PTPRN2: variants seen among roughly 807,000 people sequenced by gnomAD.
PTPRN2 encodes receptor-type tyrosine-protein phosphatase N2.
PTPRN2 carries 74 observed loss-of-function variants against 118.8 expected under a neutral mutation model. That is an observed-to-expected ratio of 0.62 (90% CI 0.52 to 0.76). The LOEUF is 0.76. PTPRN2 is among the 30% of genes least tolerant of loss of function. PTPRN2 has a pLI of 0.00. For synonymous variants in PTPRN2, 641 were observed against 608.0 expected (o/e 1.05, Z -0.80); for missense variants, 1,481 against 1,394.4 (o/e 1.06, Z -0.99).
At chr7:157,995,105 A>G (rs192343145) in intron 11 of PTPRN2, among the ~76,000 whole-genome samples, 27 of 95,374 alleles carry the variant, frequency 2.8e-4, no homozygotes, top group African/African-American at 9.0e-4. Context: ...CCAGCTTACA[A>G]CTCCTTGTTC....
chr7:157,676,863 C>T lies in PTPRN2; in HGVS notation c.2001+5862G>A, dbSNP rs1313943555. On this transcript the variant is annotated intron_variant, in intron 13 of 22. Transcript: ENST00000389418. The surrounding 1 kb of genome is among the most constrained non-coding windows in gnomAD (Gnocchi z 5.6). ...GTGCATGCAGGGGTCACCCCAGGAGCGACCCTGGCTTTGACGAGAAGGAAG... is the reference window on the plus strand; with the variant it reads ...GTGCATGCAGGGGTCACCCCAGGAGTGACCCTGGCTTTGACGAGAAGGAAG... 3.3e-5 allele frequency among the ~76,000 whole-genome samples: 5 copies of T among 152,106 alleles called. No individual in the cohort carries two copies. The highest frequency in any genetic ancestry group is 2.1e-4 in the South Asian group (1 of 4,818).
At chr7:158,047,049 C>T (rs539124309) in intron 11 of PTPRN2, among the ~76,000 whole-genome samples, 10 of 152,330 alleles carry the variant, frequency 6.6e-5, no homozygotes, top group South Asian at 2.1e-4. Flanking sequence ...CCCCTCGCCC[C>T]GGAATGGAGC....
At chr7:157,555,955 G>A (rs144512427) in intron 21 of PTPRN2, among the ~76,000 whole-genome samples, 3 of 152,340 alleles carry the variant, frequency 2.0e-5, no homozygotes, top group East Asian at 3.9e-4. Context: ...TGGAGCTCAC[G>A]CTGTGGGAGG....
chr7:157,767,578 C>T (rs1043226890), intron 12 of PTPRN2, among the ~76,000 whole-genome samples: 3 of 152,222 alleles, frequency 2.0e-5, no homozygotes, highest in South Asian at 2.1e-4. Flanking sequence ...GAAGTGAGTG[C>T]CCATGGGTGC....
In PTPRN2 at chr7:157,819,176, G is replaced by A. The variant is rs185770726; in HGVS notation, c.1788+79497C>T. 8.8e-3 allele frequency among the ~76,000 whole-genome samples: 1,336 copies of A among 152,270 alleles called. 71 individuals are homozygous for A. The South Asian group carries it at 0.15, about 17-fold the overall frequency. On this transcript the variant is annotated intron_variant, in intron 12 of 22. Coordinates refer to ENST00000389418, the MANE Select transcript of PTPRN2 (RefSeq NM_002847.5). ...CAGGGTGGCCTGGGCAGCCCCCTTCGGAAGCCCAGGGCTCTGCTGCCTGGG... is the reference window on the plus strand; with the variant it reads ...CAGGGTGGCCTGGGCAGCCCCCTTCAGAAGCCCAGGGCTCTGCTGCCTGGG...
chr7:158,569,581 G>A (rs1373600955), intron 1 of PTPRN2, among the ~76,000 whole-genome samples: 1 of 152,230 alleles, frequency 6.6e-6, no homozygotes. Context: ...CACGGAGGCA[G>A]CAGCTCCCAG....
At chr7:157,716,475 ACTGCCTGGCCACGTAGACTCTGCGGGAAC>A (rs1798917498) in intron 12 of PTPRN2, among the ~76,000 whole-genome samples, 1 of 95,742 alleles carries the variant, frequency 1.0e-5, no homozygotes, top group African/African-American at 5.4e-5. Flanking sequence ...CTGCAGGAAC[ACTGCCTGGCCACGTAGACTCTGCGGGAAC>A]ACTGCCTGGT....
At chr7:157,557,467 A>ACATGCACACACCTATGTG (rs1269961306) in intron 21 of PTPRN2, among the ~76,000 whole-genome samples, 1 of 150,938 alleles carries the variant, frequency 6.6e-6, no homozygotes, top group African/African-American at 2.4e-5. Context: ...TACACCACAC[A>ACATGCACACACCTATGTG]CATGCACACA....
At chr7:158,255,495 C>T (rs899709895) in intron 3 of PTPRN2, among the ~76,000 whole-genome samples, 23 of 152,164 alleles carry the variant, frequency 1.5e-4, no homozygotes, top group African/African-American at 5.3e-4. Flanking sequence ...TGCCTCAGCA[C>T]GACAGCTTCA....
At chr7:158,080,314 C>CAAAAAAAAA (rs556546951) in intron 11 of PTPRN2, among the ~76,000 whole-genome samples, 2 of 72,226 alleles carry the variant, frequency 2.8e-5, no homozygotes, top group African/African-American at 6.2e-5. Context: ...CAAATTTAAG[C>CAAAAAAAAA]AAAAAAAAAA....
intron 16 of PTPRN2, among the ~76,000 whole-genome samples, chr7:157,595,587 G>A (rs571368828): frequency 1.3e-4 from 14 of 109,690 alleles, no homozygotes; most frequent in African/African-American, 5.4e-4. Context: ...AGGTTAGGAA[G>A]CCTGGTGTTT....
chr7:158,302,641 G>A (rs968509617), intron 3 of PTPRN2, among the ~76,000 whole-genome samples: 3 of 152,222 alleles, frequency 2.0e-5, no homozygotes, highest in Non-Finnish European at 2.9e-5. Context: ...GGGCAGTTAC[G>A]TGATGTGCGT....
At chr7:157,601,704 G>A (rs1234599163) in intron 16 of PTPRN2, among the ~76,000 whole-genome samples, 1 of 152,254 alleles carries the variant, frequency 6.6e-6, no homozygotes, top group Non-Finnish European at 1.5e-5. Context: ...GGGCTTGGCT[G>A]TGGCCTGGAA....
At chr7:157,742,536 T>C (rs1395665550) in intron 12 of PTPRN2, among the ~76,000 whole-genome samples, 3 of 150,900 alleles carry the variant, frequency 2.0e-5, no homozygotes, top group African/African-American at 4.9e-5. Flanking sequence ...ATTGCTGGAG[T>C]AAACGATGAA....
In PTPRN2 at chr7:157,690,380, G is replaced by A. The variant is rs911078873; in HGVS notation, c.1789-7443C>T. Reference sequence around the variant, plus strand: ...TAGTTGCCCGTTAGAGCCCCCATGCGCGCCCTCCAGCCTTCGAAAGCTCTC... The same window carrying A: ...TAGTTGCCCGTTAGAGCCCCCATGCACGCCCTCCAGCCTTCGAAAGCTCTC... On this transcript the variant is annotated intron_variant, in intron 12 of 22. Coordinates refer to ENST00000389418, the MANE Select transcript of PTPRN2 (RefSeq NM_002847.5). The surrounding 1 kb of genome is among the most constrained non-coding windows in gnomAD (Gnocchi z 7.1). Among the ~76,000 whole-genome samples, 1 of 152,138 alleles carries A rather than the reference G, an allele frequency of 6.6e-6. No individual in the cohort carries two copies. Among genetic ancestry groups the A allele is most frequent in the African/African-American group, 2.4e-5 (1 of 41,442 alleles).
intron 12 of PTPRN2, among the ~76,000 whole-genome samples, chr7:157,701,422 A>T (rs2150864341): frequency 6.6e-6 from 1 of 152,334 alleles, no homozygotes; most frequent in South Asian, 2.1e-4. Context: ...TAATAGTATC[A>T]GTCTTTCAAA....
chr7:157,677,442 C>T (rs1362900204), intron 13 of PTPRN2, among the ~76,000 whole-genome samples: 1 of 152,170 alleles, frequency 6.6e-6, no homozygotes, highest in Non-Finnish European at 1.5e-5. Flanking sequence ...CTTCATTGTT[C>T]TCTGAAGATC....
chr7:158,276,259 C>A (rs1310287184), intron 3 of PTPRN2, among the ~76,000 whole-genome samples: 68 of 25,234 alleles, frequency 2.7e-3, no homozygotes, highest in South Asian at 0.016. Context: ...GTAGCACCCC[C>A]ACACTCTGGC....
intron 12 of PTPRN2, among the ~76,000 whole-genome samples, chr7:157,743,530 A>G (rs1800753245): frequency 6.6e-6 from 1 of 152,148 alleles, no homozygotes; most frequent in Non-Finnish European, 1.5e-5. Flanking sequence ...GGCTGGGATA[A>G]CAATTTCCAG....
Sources: allele counts gnomAD v4.1 joint callset (sites outside exome capture counted in the v4.1 genomes callset), GRCh38; gene constraint gnomAD v4.1.1; non-coding constraint Gnocchi (gnomAD v3.1); transcripts MANE v1.5; gene names NCBI Gene and HGNC (gene_info 2026-07-23, HGNC 2026-07-21).